The following KIRREL2 variants were observed in gnomAD, a reference collection of about 807,000 sequenced individuals.
KIRREL2 encodes the protein kin of IRRE-like protein 2.
In KIRREL2, 56 loss-of-function variants were observed where a neutral mutation model predicts 73.4. The ratio of observed to expected loss-of-function variants is 0.76; its 90% CI spans 0.62 to 0.95. The LOEUF (loss-of-function observed/expected upper bound fraction) is 0.95. Among genes scored for constraint, KIRREL2 ranks in the 40% least tolerant of loss-of-function variants. The pLI is 0.00. For synonymous variants in KIRREL2, 407 were observed against 404.0 expected, an observed-to-expected ratio of 1.01 and a Z score of -0.09; for missense variants, 896 against 935.0, an observed-to-expected ratio of 0.96 and a Z score of 0.54.
At chr19:35,860,844 G>T (rs1021098463) in intron 7 of KIRREL2, 65 bp from the exon 8 acceptor site, 20 of 1,608,990 alleles carry the variant, frequency 1.2e-5, no homozygotes, top group Non-Finnish European at 1.6e-5. Flanking sequence ...CTGTGGGGCT[G>T]GCTGATCCCA....
At position 35,866,608 on chromosome 19, in the gene KIRREL2, A is replaced by G. The variant is rs1218839352; in HGVS notation, c.*116A>G. 7 of 1,432,284 alleles carry G rather than the reference A, an allele frequency of 4.9e-6. No individual in the cohort carries two copies. The highest frequency in any genetic ancestry group is 6.8e-6 in the Non-Finnish European group (7 of 1,031,002). 88.7% of individuals were successfully genotyped at this position (1,432,284 alleles called of 1,614,324 possible). A position where few individuals can be genotyped will look rare whatever the true frequency, so the allele number is the denominator to read the frequency against. ...CTCCTCCAAAACTGAACACAAGGGGAGGGAAAGATCATTACATTTGTCAGG... is the reference window on the plus strand; with the variant it reads ...CTCCTCCAAAACTGAACACAAGGGGGGGGAAAGATCATTACATTTGTCAGG... On this transcript the variant is annotated 3_prime_UTR_variant, in exon 15 of 15. Transcript: ENST00000360202.
chr19:35,861,911 T>A lies in KIRREL2; in HGVS notation c.1397T>A (p.Ile466Asn). The A allele has an allele frequency of 6.2e-7, 1 of 1,610,704 alleles. No homozygotes were observed. The highest frequency in any genetic ancestry group is 8.5e-7 in the Non-Finnish European group (1 of 1,178,768). The part of the protein sequence containing the change: ...ESRGGLGPGL[I>N]SVLHISGTQE... ...CGCGGGGGACTGGGTCCGGGCCTGA[T>A]CTCTGTGCTACACATTTCGGGGACC... The change falls in exon 11 of 15, where the codon ATC becomes AAC. Residue 466 changes from isoleucine to asparagine, a missense_variant. Transcript: ENST00000360202.
chr19:35,854,639 T>C (rs1973365723), upstream of KIRREL2, among the ~76,000 whole-genome samples: 1 of 152,192 alleles, frequency 6.6e-6, no homozygotes, highest in South Asian at 2.1e-4. Context: ...TCTTTCTATC[T>C]TTCTCCATCT....
intron 2 of KIRREL2, among the ~76,000 whole-genome samples, chr19:35,857,962 C>T (rs1404090373): frequency 6.9e-6 from 1 of 145,420 alleles, no homozygotes; most frequent in Non-Finnish European, 1.5e-5. Context: ...CAAGCCACTG[C>T]ACTTCAGGCA....
At chr19:35,861,691 C>T (rs371529584) in intron 10 of KIRREL2, 50 bp downstream of exon 10, 1 of 1,594,144 alleles carries the variant, frequency 6.3e-7, no homozygotes, top group Non-Finnish European at 8.6e-7. Context: ...GATCCCTGAC[C>T]TCCCACCTGG....
Position 35,862,554 on chromosome 19 carries a change from G to A in KIRREL2, c.1572G>A (p.Met524Ile), listed in dbSNP as rs1973748905. The change falls in exon 12 of 15, where the codon ATG becomes ATA. Residue 524 changes from methionine to isoleucine, a missense_variant. Physicochemically the swap from Met to Ile is conservative, Grantham distance 10. Transcript: ENST00000360202. Reference protein sequence around the residue: ...GVAAATTTLLMVITGVALCCW... With the variant: ...GVAAATTTLLIVITGVALCCW... ...CCGCTGCCACCACAACTCTCCTTAT[G>A]GTCATCACTGGGGTGGCCCTCTGCT... is the stretch of plus-strand genomic sequence containing the variant. 9 of 1,610,276 alleles carry A rather than the reference G, an allele frequency of 5.6e-6. No individual in the cohort carries two copies. Among genetic ancestry groups the A allele is most frequent in the Non-Finnish European group, 7.6e-6 (9 of 1,179,972 alleles).
At chr19:35,851,779 C>T (rs386833954), upstream of KIRREL2, 1 of 1,553,702 alleles carries the variant, frequency 6.4e-7, no homozygotes, top group African/African-American at 1.4e-5. Flanking sequence ...ATCCCACTCA[C>T]CTTCAGTCAG....
chr19:35,861,873 T>C lies in KIRREL2; in HGVS notation c.1359T>C (p.Pro453=). 6.3e-7 allele frequency: 1 copy of C among 1,594,984 alleles called. No individual in the cohort carries two copies. The highest frequency in any genetic ancestry group is 8.5e-7 in the Non-Finnish European group (1 of 1,171,068). ...SQGRFLVETF[P]APESRGGLGP... ...GCCGGTTCCTGGTGGAGACATTCCCTGCCCCAGAGAGCCGCGGGGGACTGG... is the reference window on the plus strand; with the variant it reads ...GCCGGTTCCTGGTGGAGACATTCCCCGCCCCAGAGAGCCGCGGGGGACTGG... Residue 453 remains proline (P), a synonymous_variant, in exon 11 of 15, where the codon CCT becomes CCC. Coordinates refer to ENST00000360202, the MANE Select transcript of KIRREL2 (RefSeq NM_199180.4).
chr19:35,853,910 T>C (rs1355943348), upstream of KIRREL2, among the ~76,000 whole-genome samples: 5 of 147,118 alleles, frequency 3.4e-5, no homozygotes, highest in African/African-American at 1.0e-4. Context: ...AATGGTGCGA[T>C]GTTGGCTCAC....
At position 35,858,826 on chromosome 19, in the gene KIRREL2, C is replaced by G. The variant is rs781353593; in HGVS notation, c.484C>G (p.Arg162Gly). Residue 162 changes from arginine (R) to glycine (G), a missense_variant, in exon 4 of 15, where the codon CGA (arginine) becomes GGA (glycine). Coordinates refer to ENST00000360202, the MANE Select transcript of KIRREL2 (RefSeq NM_199180.4). ...CCCTACCCCTGAATTGCTGTGGTTCCGAGATGGGGTCCTGTTGGATGGAGC... is the reference window on the plus strand; with the variant it reads ...CCCTACCCCTGAATTGCTGTGGTTCGGAGATGGGGTCCTGTTGGATGGAGC... The part of the protein sequence containing the change: ...ARPTPELLWF[R>G]DGVLLDGATF... 3.3e-5 allele frequency: 54 copies of G among 1,614,022 alleles called. No homozygotes were observed. The highest frequency in any genetic ancestry group is 4.3e-5 in the Non-Finnish European group (51 of 1,180,036).
intron 10 of KIRREL2, 59 bp from the exon 11 acceptor site, chr19:35,861,746 T>C: frequency 6.3e-7 from 1 of 1,585,136 alleles, no homozygotes. Context: ...CAGACATCCC[T>C]CCTGCTTCTT....
At chr19:35,851,821 G>T (rs150180768), upstream of KIRREL2, 1 of 1,552,062 alleles carries the variant, frequency 6.4e-7, no homozygotes. Context: ...AGCCCTGAGC[G>T]TCGTCCCCAG....
In KIRREL2 at chr19:35,859,537, T is replaced by C. The variant is rs1440965972; in HGVS notation, c.579T>C (p.Pro193=). 6.2e-7 allele frequency: 1 copy of C among 1,614,022 alleles called. No homozygotes were observed. Among genetic ancestry groups the C allele is most frequent in the Non-Finnish European group, 8.5e-7 (1 of 1,179,994 alleles). ...TGGAGAGCACCTTAACCCTGACCCC[T>C]TTCAGCCATGATGATGGAGCCACCT... ...GSVESTLTLT[P]FSHDDGATFV... The change falls in exon 5 of 15, where the codon CCT becomes CCC. Residue 193 remains proline, a synonymous_variant. Transcript: ENST00000360202.
Position 35,866,623 on chromosome 19 carries a change from C to A in KIRREL2, c.*131C>A. 2 of 1,368,812 alleles carry A rather than the reference C, an allele frequency of 1.5e-6. No homozygotes were observed. The highest frequency in any genetic ancestry group is 1.2e-5 in the South Asian group (1 of 81,556). The allele number at this position is 1,368,812 out of a possible 1,614,324, so 84.8% of individuals were successfully genotyped here. On this transcript the variant is annotated 3_prime_UTR_variant, in exon 15 of 15. Transcript: ENST00000360202. ...ACACAAGGGGAGGGAAAGATCATTA[C>A]ATTTGTCAGGAGCATTTGTATACAG...
intron 13 of KIRREL2, among the ~76,000 whole-genome samples, chr19:35,863,925 C>CA (rs1254887075): frequency 2.0e-5 from 3 of 152,056 alleles, no homozygotes; most frequent in Admixed American, 2.0e-4. Context: ...AGGCACCCGC[C>CA]ACCATGTCCA....
At chr19:35,851,953 T>C (rs1419648460), upstream of KIRREL2, 3 of 827,450 alleles carry the variant, frequency 3.6e-6, no homozygotes, top group Non-Finnish European at 6.1e-6. Flanking sequence ...TTTTTATCTC[T>C]TTCCGTTACT....
At chr19:35,862,625 C>T in intron 12 of KIRREL2, 28 bp downstream of exon 12, 1 of 1,546,572 alleles carries the variant, frequency 6.5e-7, no homozygotes, top group South Asian at 1.1e-5. Flanking sequence ...GCCCCGGCTC[C>T]CGAGGCCCCA....
chr19:35,862,693 G>A (rs919111510), intron 12 of KIRREL2, 96 bp downstream of exon 12: 13 of 948,678 alleles, frequency 1.4e-5, no homozygotes, highest in Non-Finnish European at 1.8e-5. Context: ...CTTGGCTCCA[G>A]TCCCATTTCC....
In KIRREL2 at chr19:35,858,541, C is replaced by T. The variant is rs759555328; in HGVS notation, c.345C>T (p.Ala115=). The change falls in exon 3 of 15, where the codon GCC becomes GCT. Residue 115 remains alanine, a synonymous_variant. Transcript: ENST00000360202. ...ATQAGLRSRP[A]QLHVLVPPEA... is the part of the protein sequence containing the mutation. ...AAGCAGGCCTCCGCTCCAGACCAGC[C>T]CAACTGCACGTGCTGGGTAAGGACC... 1.2e-5 allele frequency: 20 copies of T among 1,614,162 alleles called. No individual in the cohort carries two copies. The highest frequency in any genetic ancestry group is 3.3e-4 in the Middle Eastern group (2 of 6,060).
Sources: gnomAD v4.1 joint callset for allele counts (sites outside exome capture counted in the v4.1 genomes callset) on GRCh38, gnomAD v4.1.1 for gene constraint, MANE v1.5 for transcripts, NCBI Gene and HGNC (gene_info 2026-07-23, HGNC 2026-07-21) for gene names.